The following IL18R1 variants were observed in gnomAD, a reference collection of about 807,000 sequenced individuals.
The protein encoded by IL18R1 is interleukin 18 receptor 1.
A neutral mutation model predicts 48.5 loss-of-function variants in IL18R1; 40 were observed. The ratio of observed to expected loss-of-function variants is 0.82; its 90% confidence interval spans 0.64 to 1.07. IL18R1 has a LOEUF of 1.07. Ranked by LOEUF, IL18R1 falls within the 50% of genes least tolerant of loss-of-function variation. The pLI, the probability that IL18R1 is intolerant of heterozygous loss-of-function variation, is 0.00. For missense variants in IL18R1, 596 were observed against 633.7 expected, an observed-to-expected ratio of 0.94 and a Z score of 0.64; for synonymous variants, 232 against 225.9, an observed-to-expected ratio of 1.03 and a Z score of -0.24.
In IL18R1 at chr2:102,397,890, T is replaced by C. The variant is rs1680904378; in HGVS notation, c.*1004T>C. On this transcript the variant is annotated 3_prime_UTR_variant, in exon 11 of 11. Coordinates refer to ENST00000233957, the MANE Select transcript of IL18R1 (RefSeq NM_003855.5). ...CTCTTGGTGCTTCAGTTTCCTCATCTGTGAAATTAGAATTTATAATAATTG... is the reference window on the plus strand; with the variant it reads ...CTCTTGGTGCTTCAGTTTCCTCATCCGTGAAATTAGAATTTATAATAATTG... The C allele has an allele frequency of 6.6e-6, 1 of 152,220 alleles. No individual in the cohort carries two copies. Among genetic ancestry groups the C allele is most frequent in the African/African-American group, 2.4e-5 (1 of 41,438 alleles). The allele number at this position is 152,220 out of a possible 1,614,324, so 9.4% of individuals were successfully genotyped here.
intron 1 of IL18R1, among the ~76,000 whole-genome samples, chr2:102,361,563 C>T (rs929814862): frequency 5.3e-5 from 8 of 152,194 alleles, no homozygotes; most frequent in African/African-American, 1.9e-4. Context: ...ATGGTTTAAT[C>T]ACTCAATAAT....
chr2:102,373,302 C>A (rs1014293211), intron 4 of IL18R1, among the ~76,000 whole-genome samples: 1 of 152,078 alleles, frequency 6.6e-6, no homozygotes, highest in Non-Finnish European at 1.5e-5. Flanking sequence ...GAGTTCATGT[C>A]TTTTGTAGGG....
intron 9 of IL18R1, 150 bp from the exon 10 acceptor site, chr2:102,394,319 G>T: frequency 2.1e-6 from 1 of 483,872 alleles, no homozygotes; most frequent in Non-Finnish European, 3.6e-6. Flanking sequence ...TGGTTGCTTG[G>T]TTAGCATGGG....
intron 1 of IL18R1, among the ~76,000 whole-genome samples, chr2:102,357,744 T>C (rs943771648): frequency 6.6e-6 from 1 of 152,098 alleles, no homozygotes; most frequent in Non-Finnish European, 1.5e-5. Flanking sequence ...AGCACAGGCA[T>C]AGGCAGATTT....
At chr2:102,375,105 G>A (rs1679496763) in intron 4 of IL18R1, among the ~76,000 whole-genome samples, 1 of 152,206 alleles carries the variant, frequency 6.6e-6, no homozygotes, top group Non-Finnish European at 1.5e-5. Context: ...CCCAGTGGCT[G>A]CCAGCTCTGA....
intron 5 of IL18R1, among the ~76,000 whole-genome samples, chr2:102,378,451 C>A (rs1425794795): frequency 6.6e-6 from 1 of 152,198 alleles, no homozygotes. Context: ...GCTAGGTTCC[C>A]AAACCTCACC....
At chr2:102,383,250 A>G (rs1393994536) in intron 6 of IL18R1, among the ~76,000 whole-genome samples, 1 of 152,222 alleles carries the variant, frequency 6.6e-6, no homozygotes, top group African/African-American at 2.4e-5. Flanking sequence ...TTTGAAACAA[A>G]GGTATATTCT....
At chr2:102,360,215 A>G (rs1253318272) in intron 1 of IL18R1, among the ~76,000 whole-genome samples, 1 of 152,212 alleles carries the variant, frequency 6.6e-6, no homozygotes, top group Non-Finnish European at 1.5e-5. Context: ...ACACAGGAAA[A>G]ATGCTCATTA....
chr2:102,378,130 C>T (rs931118819), intron 5 of IL18R1, among the ~76,000 whole-genome samples: 2 of 152,214 alleles, frequency 1.3e-5, no homozygotes, highest in East Asian at 1.9e-4. Context: ...CCATCAGCAG[C>T]TCTTTCCTTC....
In IL18R1 at chr2:102,378,804, G is replaced by T. The variant is rs1679743532; in HGVS notation, c.625+2741G>T. 2.6e-5 allele frequency among the ~76,000 whole-genome samples: 4 copies of T among 152,198 alleles called. No homozygotes were observed. The South Asian group carries it at 8.3e-4, about 31-fold the overall frequency. On this transcript the variant is annotated intron_variant, in intron 5 of 10. Coordinates refer to ENST00000233957, the MANE Select transcript of IL18R1 (RefSeq NM_003855.5). ...CCTTTGATGCCACATACAACAAGAA[G>T]TCTAGACACTTCACCATCCTGGCTA...
At position 102,375,902 on chromosome 2, in the gene IL18R1, A is replaced by G; in HGVS notation, c.469-5A>G. 6.4e-7 allele frequency: 1 copy of G among 1,555,832 alleles called. No individual in the cohort carries two copies. Among genetic ancestry groups the G allele is most frequent in the Non-Finnish European group, 8.6e-7 (1 of 1,157,766 alleles). The stretch of plus-strand genomic sequence containing the variant: ...AAGTATTTTAACTTGTTTTATTAAA[A>G]ACAGAACTGTAAAAAGCTACTACTG... On this transcript the variant is annotated splice_region_variant and splice_polypyrimidine_tract_variant and intron_variant, in intron 4 of 10. Transcript: ENST00000233957.
rs762032951 is a variant in IL18R1 at position 102,362,614 on chromosome 2, G to T, written c.-28-19G>T. 2.6e-6 allele frequency: 4 copies of T among 1,545,056 alleles called. No homozygotes were observed. Among genetic ancestry groups the T allele is most frequent in the Non-Finnish European group, 3.5e-6 (4 of 1,134,776 alleles). ...TTGTTTGAAAGCTTTGGCTGAATCT[G>T]TTTTATTCTGTTTTCCAGAGAAGCC... On this transcript the variant is annotated intron_variant, in intron 1 of 10. Coordinates refer to ENST00000233957, the MANE Select transcript of IL18R1 (RefSeq NM_003855.5).
At chr2:102,388,221 C>A (rs569419462) in intron 8 of IL18R1, among the ~76,000 whole-genome samples, 1 of 152,230 alleles carries the variant, frequency 6.6e-6, no homozygotes, top group African/African-American at 2.4e-5. Flanking sequence ...AGAGCCGCCT[C>A]TCTACCATAT....
chr2:102,365,258 T>C (rs1678821506), intron 2 of IL18R1, among the ~76,000 whole-genome samples: 2 of 152,288 alleles, frequency 1.3e-5, no homozygotes, highest in South Asian at 4.1e-4. Flanking sequence ...GTACAGGCAT[T>C]GAGTAAATAC....
At chr2:102,372,204 C>T (rs1679306959) in intron 4 of IL18R1, 86 bp downstream of exon 4, 2 of 1,129,934 alleles carry the variant, frequency 1.8e-6, no homozygotes, top group South Asian at 3.0e-5. Flanking sequence ...CCATTCTGGT[C>T]TCATAACAAA....
Position 102,396,708 on chromosome 2 carries a change from C to T in IL18R1, c.1448C>T (p.Thr483Ile), listed in dbSNP as rs1177708557. The T allele has an allele frequency of 2.5e-6, 4 of 1,614,138 alleles. No individual in the cohort carries two copies. Among genetic ancestry groups the T allele is most frequent in the Admixed American group, 1.7e-5 (1 of 60,030 alleles). The stretch of plus-strand genomic sequence containing the variant: ...GAATTTACACCTGTTACTGACTTCA[C>T]ATTCTTGCCCCAATCACTAAAGCTT... The part of the protein sequence containing the change: ...LIEFTPVTDF[T>I]FLPQSLKLLK... The change falls in exon 11 of 11, where the codon ACA becomes ATA. Residue 483 changes from threonine to isoleucine, a missense_variant. This residue lies in a region of IL18R1 where 179 missense variants were observed against 206.1 expected (regional missense o/e 0.87). Transcript: ENST00000233957.
chr2:102,384,177 G>C (rs1680085950), intron 6 of IL18R1, among the ~76,000 whole-genome samples: 1 of 152,218 alleles, frequency 6.6e-6, no homozygotes, highest in Non-Finnish European at 1.5e-5. Context: ...CTGATAGCTG[G>C]TGAGGGAGGG....
intron 1 of IL18R1, among the ~76,000 whole-genome samples, chr2:102,359,762 C>A (rs1207458281): frequency 6.6e-6 from 1 of 152,210 alleles, no homozygotes; most frequent in Non-Finnish European, 1.5e-5. Flanking sequence ...CAGCATGCAT[C>A]TGTCAGGTTT....
intron 6 of IL18R1, 144 bp from the exon 7 acceptor site, chr2:102,384,734 A>C (rs1680123160): frequency 1.3e-6 from 1 of 786,838 alleles, no homozygotes; most frequent in Admixed American, 2.9e-5. Context: ...ATTTTGTTTT[A>C]TTTAAAGCAA....
Sources: gnomAD v4.1 joint callset for allele counts (sites outside exome capture counted in the v4.1 genomes callset) on GRCh38, gnomAD v4.1.1 for gene constraint, gnomAD v4.1.1 regional missense constraint, MANE v1.5 for transcripts, NCBI Gene and HGNC (gene_info 2026-07-23, HGNC 2026-07-21) for gene names.